Variants in PRIM2 observed in about 807,000 individuals in gnomAD.
The protein encoded by PRIM2 is DNA primase subunit 2, also known as DNA primase large subunit.
PRIM2 carries 39 observed loss-of-function variants against 67.3 expected under a neutral mutation model. The observed-to-expected ratio is 0.58, with a 90% CI of 0.45 to 0.76. The LOEUF (loss-of-function observed/expected upper bound fraction) is 0.76. Among genes scored for constraint, PRIM2 ranks in the 30% least tolerant of loss-of-function variants. PRIM2 has a pLI of 0.00. For synonymous variants in PRIM2, 143 were observed against 198.7 expected, an observed-to-expected ratio of 0.72 and a Z score of 2.36; for missense variants, 398 against 598.7, an observed-to-expected ratio of 0.66 and a Z score of 3.50.
intron 7 of PRIM2, among the ~76,000 whole-genome samples, chr6:57,494,413 A>G (rs1554346224): frequency 6.6e-6 from 1 of 152,202 alleles, no homozygotes; most frequent in African/African-American, 2.4e-5. Flanking sequence ...TCTCTAATCT[A>G]AAAGGAGATA....
At chr6:57,424,873 GAACT>G (rs1426495195) in intron 7 of PRIM2, among the ~76,000 whole-genome samples, 4 of 152,126 alleles carry the variant, frequency 2.6e-5, no homozygotes, top group African/African-American at 9.6e-5. Flanking sequence ...ATTATTAAAT[GAACT>G]AATAACTGTC....
chr6:57,358,448 C>A (rs1769101020), intron 5 of PRIM2, among the ~76,000 whole-genome samples: 1 of 152,120 alleles, frequency 6.6e-6, no homozygotes. Flanking sequence ...AGTTCAAAAT[C>A]CTTCAAGAAG....
chr6:57,326,241 A>G, intron 5 of PRIM2, 196 bp downstream of exon 5: 1 of 494,598 alleles, frequency 2.0e-6, no homozygotes, highest in South Asian at 3.5e-5. Flanking sequence ...TTAATAACAA[A>G]GTCTCACACT....
At chr6:57,277,948 C>T in the PRIM2 span, among the ~76,000 whole-genome samples, 2 of 151,678 alleles carry the variant, frequency 1.3e-5, no homozygotes, top group African/African-American at 2.4e-5. Context: ...CGTGCCACTG[C>T]GCTCCAGCCT....
At chr6:57,311,883 C>T (rs568065609), upstream of PRIM2, among the ~76,000 whole-genome samples, 1 of 151,934 alleles carries the variant, frequency 6.6e-6, no homozygotes, top group Admixed American at 6.6e-5. Context: ...AAAAACCAGT[C>T]AGGAGTGGCG....
rs1397377901 is a variant in PRIM2, at chr6:57,410,027, A to T, written c.693+27859A>T. Among the ~76,000 whole-genome samples the T allele has an allele frequency of 7.9e-5, 12 of 152,000 alleles. No individual in the cohort carries two copies. The East Asian group carries it at 2.1e-3, about 27-fold the overall frequency. Reference sequence around the variant, plus strand: ...CCTTGTTGGTTTTGGCACTATTAGTAGAAAAGACTGGGCCGGGCCAGTGGC... The same window carrying T: ...CCTTGTTGGTTTTGGCACTATTAGTTGAAAAGACTGGGCCGGGCCAGTGGC... On this transcript the variant is annotated intron_variant, in intron 7 of 13. Coordinates refer to ENST00000615550, the MANE Select transcript of PRIM2 (RefSeq NM_000947.5).
chr6:57,268,644 T>A, the PRIM2 span, among the ~76,000 whole-genome samples: 1 of 152,076 alleles, frequency 6.6e-6, no homozygotes, highest in Admixed American at 6.6e-5. Context: ...AATTTTATTA[T>A]TATTATACTT....
chr6:57,290,859 G>GA, the PRIM2 span, among the ~76,000 whole-genome samples: 289 of 152,268 alleles, frequency 1.9e-3, 1 homozygote, highest in Non-Finnish European at 3.2e-3. Context: ...GCAGTGTGTA[G>GA]AGGAAATTTA....
intron 5 of PRIM2, among the ~76,000 whole-genome samples, chr6:57,369,983 C>T (rs1769490751): frequency 6.6e-6 from 1 of 152,162 alleles, no homozygotes; most frequent in Non-Finnish European, 1.5e-5. Flanking sequence ...ACTTTACATA[C>T]TTTATTTAAT....
At chr6:57,620,690 G>A (rs1776836950) in intron 12 of PRIM2, among the ~76,000 whole-genome samples, 1 of 152,130 alleles carries the variant, frequency 6.6e-6, no homozygotes, top group Non-Finnish European at 1.5e-5. Flanking sequence ...AAGTATGCAG[G>A]CAACCAAGAG....
chr6:57,521,379 T>TTTG (rs1774619249), intron 8 of PRIM2, among the ~76,000 whole-genome samples: 1 of 147,528 alleles, frequency 6.8e-6, no homozygotes, highest in Non-Finnish European at 1.5e-5. Flanking sequence ...TTTTTTTTTT[T>TTTG]TTTTTTTTTT....
chr6:57,544,600 G>A (rs1197111927), intron 10 of PRIM2, among the ~76,000 whole-genome samples: 104 of 152,104 alleles, frequency 6.8e-4, no homozygotes, highest in African/African-American at 2.4e-3. Flanking sequence ...ACTATTTTCC[G>A]GCTAGCATAT....
chr6:57,620,479 G>A (rs2127496781), intron 12 of PRIM2, among the ~76,000 whole-genome samples: 1 of 152,134 alleles, frequency 6.6e-6, no homozygotes, highest in East Asian at 1.9e-4. Context: ...CACATATGAA[G>A]GAAAGATAAC....
chr6:57,472,393 CAA>C (rs1281311931), intron 7 of PRIM2, among the ~76,000 whole-genome samples: 41 of 135,984 alleles, frequency 3.0e-4, no homozygotes, highest in Non-Finnish European at 3.2e-4. Context: ...TTGCGTGTGT[CAA>C]AAAAAAAAAA....
intron 5 of PRIM2, among the ~76,000 whole-genome samples, chr6:57,356,717 G>A (rs1399448212): frequency 6.6e-6 from 1 of 152,144 alleles, no homozygotes. Context: ...GGTAAAAGGG[G>A]AGGTTCCTTT....
chr6:57,430,305 A>T (rs1771773842), intron 7 of PRIM2, among the ~76,000 whole-genome samples: 1 of 152,178 alleles, frequency 6.6e-6, no homozygotes, highest in Non-Finnish European at 1.5e-5. Context: ...CTACCCCTTT[A>T]CATACTTGCT....
At chr6:57,491,743 G>T (rs1458775381) in intron 7 of PRIM2, among the ~76,000 whole-genome samples, 1 of 152,186 alleles carries the variant, frequency 6.6e-6, no homozygotes, top group Non-Finnish European at 1.5e-5. Context: ...AGGCACCAGA[G>T]ATTGAGTGGA....
At chr6:57,583,104 A>G (rs1321663288) in intron 10 of PRIM2, among the ~76,000 whole-genome samples, 6 of 150,984 alleles carry the variant, frequency 4.0e-5, no homozygotes, top group South Asian at 2.1e-4. Context: ...ATGTCCCTAC[A>G]AAGGACATGA....
intron 7 of PRIM2, chr6:57,383,420 G>T (rs6459209): frequency 1.3e-5 from 2 of 152,050 alleles, no homozygotes; most frequent in Non-Finnish European, 2.9e-5. Flanking sequence ...AAATATCACC[G>T]TGCATTTCAG....
Sources: allele counts gnomAD v4.1 joint callset (sites outside exome capture counted in the v4.1 genomes callset), GRCh38; gene constraint gnomAD v4.1.1; transcripts MANE v1.5; gene names NCBI Gene and HGNC (gene_info 2026-07-23, HGNC 2026-07-21).